Variants in BAZ2A observed in about 807,000 individuals in gnomAD.
The protein encoded by BAZ2A is bromodomain adjacent to zinc finger domain 2A, also known as bromodomain adjacent to zinc finger domain protein 2A.
BAZ2A carries 34 observed loss-of-function variants against 199.9 expected under a neutral mutation model. The observed-to-expected ratio is 0.17, with a 90% CI of 0.13 to 0.23. The LOEUF is 0.23. Among genes scored for constraint, BAZ2A ranks in the 10% least tolerant of loss-of-function variants. The pLI, the probability that BAZ2A is intolerant of heterozygous loss-of-function variation, is 1.00. For synonymous variants in BAZ2A, 857 were observed against 883.9 expected (o/e 0.97, Z 0.54); for missense variants, 2,002 against 2,391.1 (o/e 0.84, Z 3.39).
At chr12:56,635,174 C>G (rs986893735), upstream of BAZ2A, among the ~76,000 whole-genome samples, 4 of 151,962 alleles carry the variant, frequency 2.6e-5, no homozygotes, top group Non-Finnish European at 1.5e-5. The surrounding 1 kb of genome is among the most constrained non-coding windows in gnomAD (Gnocchi z 4.1). Context: ...GGGGCCAGAA[C>G]CAGGAAGGAT....
chr12:56,635,003 C>G (rs1409689294), upstream of BAZ2A: 62 of 984,340 alleles, frequency 6.3e-5, no homozygotes, highest in Non-Finnish European at 7.5e-5. This position sits in a 1 kb window ranked among gnomAD's most constrained non-coding sequence, Gnocchi z 4.1. Context: ...GGTGGCCGAG[C>G]CGGGCGGCGG....
At chr12:56,608,807 G>A (rs1950457379) in intron 10 of BAZ2A, among the ~76,000 whole-genome samples, 1 of 149,058 alleles carries the variant, frequency 6.7e-6, no homozygotes, top group Admixed American at 6.7e-5. Context: ...GACCTCAGGT[G>A]ATCTGCCCTC....
In BAZ2A at chr12:56,604,747, T is replaced by C. The variant is rs1950290503; in HGVS notation, c.2801A>G (p.Asn934Ser). The C allele has an allele frequency of 1.9e-6, 3 of 1,613,864 alleles. No homozygotes were observed. Among genetic ancestry groups the C allele is most frequent in the South Asian group, 1.1e-5 (1 of 91,024 alleles). ...GAAGCAGCGCAGGATCTCTGACACATTGTCTCTTGTCAGTGGGATCTCAGA... is the reference window on the plus strand; with the variant it reads ...GAAGCAGCGCAGGATCTCTGACACACTGTCTCTTGTCAGTGGGATCTCAGA... ...KVSEIPLTRDNVSEILRCFLM... is the reference protein window; with the variant it reads ...KVSEIPLTRDSVSEILRCFLM... Residue 934 changes from asparagine to serine, a missense_variant, in exon 15 of 29, where the codon AAT (asparagine) becomes AGT (serine). By Grantham distance (46) the Asn-to-Ser change is conservative. This residue lies in a region of BAZ2A where 1,081 missense variants were observed against 1,274.7 expected (regional missense o/e 0.85). Transcript: ENST00000549884.
chr12:56,598,925 C>T lies in BAZ2A; in HGVS notation c.5489G>A (p.Arg1830His), dbSNP rs939557759. The change falls in exon 28 of 29, where the codon CGC becomes CAC. Residue 1830 changes from arginine (R) to histidine (H), a missense_variant. Coordinates refer to ENST00000549884, the MANE Select transcript of BAZ2A (RefSeq NM_001300905.2). ...VNPRLVSGYR[R>H]IIKNPMDFST... ...AAAATCCATAGGATTTTTGATGATG[C>T]GCCGGTACCCACTCACCAAACGTGG... 8.7e-6 allele frequency: 14 copies of T among 1,605,660 alleles called. No homozygotes were observed. The highest frequency in any genetic ancestry group is 3.4e-5 in the Admixed American group (2 of 58,622).
At chr12:56,605,804 A>T in intron 13 of BAZ2A, 26 bp downstream of exon 13, 1 of 1,587,988 alleles carries the variant, frequency 6.3e-7, no homozygotes, top group South Asian at 1.2e-5. Flanking sequence ...CAGCTGACCC[A>T]GGAACTGTTA....
In BAZ2A at chr12:56,602,720, C is replaced by T; in HGVS notation, c.3417G>A (p.Gly1139=). 3 of 1,613,004 alleles carry T rather than the reference C, an allele frequency of 1.9e-6. No individual in the cohort carries two copies. In the South Asian group the frequency reaches 3.3e-5, roughly 18 times the overall value. Residue 1139 remains glycine (G), a synonymous_variant, in exon 19 of 29, where the codon GGG becomes GGA. Coordinates refer to ENST00000549884, the MANE Select transcript of BAZ2A (RefSeq NM_001300905.2). ...LAGIFVEGTE[G]NLVPEEVIKK... ...TCCCACAGGCACACCTACCTAAGTT[C>T]CCCTCTGTTCCTTCTACAAAGATAC... is the stretch of plus-strand genomic sequence containing the variant.
In BAZ2A at chr12:56,609,905, C is replaced by T. The variant is rs1331251816; in HGVS notation, c.1923G>A (p.Ser641=). 5.6e-6 allele frequency: 9 copies of T among 1,612,866 alleles called. No homozygotes were observed. The highest frequency in any genetic ancestry group is 1.1e-5 in the South Asian group (1 of 90,944). ...GTTTGCCAGTAATTGCCTGAATCCT[C>T]GACGGGATCTCCTCTGCTGAGAGCT... is the stretch of plus-strand genomic sequence containing the variant. ...WVQLSAEEIP[S]RIQAITGKRG... Residue 641 remains serine (S), a synonymous_variant, in exon 10 of 29, where the codon TCG becomes TCA. Transcript: ENST00000549884.
In BAZ2A at chr12:56,596,830, T is replaced by C. The variant is rs1885878640; in HGVS notation, c.*1788A>G. ...GTTTATCTGACAGAAAAGGCGACTTTAGAAATAGGCTATGAGGGAGAAGGG... is the reference window on the plus strand; with the variant it reads ...GTTTATCTGACAGAAAAGGCGACTTCAGAAATAGGCTATGAGGGAGAAGGG... On this transcript the variant is annotated 3_prime_UTR_variant, in exon 29 of 29. Coordinates refer to ENST00000549884, the MANE Select transcript of BAZ2A (RefSeq NM_001300905.2). 2 of 152,396 alleles carry C rather than the reference T, an allele frequency of 1.3e-5. No individual in the cohort carries two copies. Among genetic ancestry groups the C allele is most frequent in the Admixed American group, 1.3e-4 (2 of 15,278 alleles). 9.4% of individuals were successfully genotyped at this position (152,396 alleles called of 1,614,324 possible).
Position 56,602,129 on chromosome 12 carries a change from T to C in BAZ2A, c.3488A>G (p.Asn1163Ser). 6.3e-7 allele frequency: 1 copy of C among 1,593,874 alleles called. No homozygotes were observed. Among genetic ancestry groups the C allele is most frequent in the Non-Finnish European group, 8.5e-7 (1 of 1,170,022 alleles). Residue 1163 changes from asparagine (N) to serine (S), a missense_variant, in exon 20 of 29, where the codon AAC becomes AGC. Physicochemically the swap from Asn to Ser is conservative, Grantham distance 46 (BLOSUM62 1). Coordinates refer to ENST00000549884, the MANE Select transcript of BAZ2A (RefSeq NM_001300905.2). ...SLKVAAHASL[N>S]PALFSMKMEL... ...CATCTTCATAGAGAAGAGGGCAGGG[T>C]TGAGTGACGCATGGGCTGCCACTTT...
upstream of BAZ2A, chr12:56,636,438 C>A: frequency 1.6e-6 from 2 of 1,279,590 alleles, no homozygotes; most frequent in South Asian, 1.8e-5. Context: ...AGGGAGGAGG[C>A]GAGGACAGGG....
Position 56,605,929 on chromosome 12 carries a change from G to A in BAZ2A, c.2394C>T (p.Thr798=), listed in dbSNP as rs1391717642. The change falls in exon 13 of 29, where the codon ACC becomes ACT. Residue 798 remains threonine, a synonymous_variant. Coordinates refer to ENST00000549884, the MANE Select transcript of BAZ2A (RefSeq NM_001300905.2). The part of the protein sequence containing the change: ...KAKPACKADK[T]LATQRRLEER... ...CCTCCAAGCGCCTCTGTGTGGCCAG[G>A]GTCTTATCTGCTTTACAGGCTGGCT... 9 of 1,568,118 alleles carry A rather than the reference G, an allele frequency of 5.7e-6. No homozygotes were observed. In the Admixed American group the frequency reaches 1.3e-4, roughly 23 times the overall value.
At chr12:56,628,357 T>C (rs1372933261) in intron 1 of BAZ2A, among the ~76,000 whole-genome samples, 1 of 151,304 alleles carries the variant, frequency 6.6e-6, no homozygotes, top group Non-Finnish European at 1.5e-5. Context: ...CCTGGGATTA[T>C]CAAGTGAAAA....
rs201216445 is a variant in BAZ2A at position 56,599,832 on chromosome 12, C to T, written c.5042G>A (p.Arg1681Gln). 28 of 1,614,004 alleles carry T rather than the reference C, an allele frequency of 1.7e-5. No homozygotes were observed. In the African/African-American group the frequency reaches 2.3e-4, roughly 13 times the overall value. The change falls in exon 26 of 29, where the codon CGG becomes CAG. Residue 1681 changes from arginine (R) to glutamine (Q), a missense_variant. Transcript: ENST00000549884. ...SVNKVTCLVCRKGDNDEFLLL... is the reference protein window; with the variant it reads ...SVNKVTCLVCQKGDNDEFLLL... The stretch of plus-strand genomic sequence containing the variant: ...AAGAAACTCATCATTGTCACCCTTC[C>T]GGCAGACTAGACATGTCTGGACCAA...
chr12:56,621,355 T>A, intron 1 of BAZ2A: 3 of 766,492 alleles, frequency 3.9e-6, no homozygotes, highest in Non-Finnish European at 4.8e-6. Flanking sequence ...TTATTTAGTA[T>A]GTGAGATCAG....
intron 5 of BAZ2A, among the ~76,000 whole-genome samples, chr12:56,612,600 C>G (rs60328979): frequency 0.064 from 9,739 of 152,264 alleles, 363 homozygotes; most frequent in East Asian, 0.11. Context: ...CATAGCCCCT[C>G]AGCTCCCAGC....
intron 1 of BAZ2A, among the ~76,000 whole-genome samples, chr12:56,617,856 T>C (rs1950773811): frequency 1.3e-5 from 2 of 152,160 alleles, no homozygotes; most frequent in Non-Finnish European, 2.9e-5. Flanking sequence ...CCTTCTATAT[T>C]AGATATTAGC....
intron 1 of BAZ2A, among the ~76,000 whole-genome samples, chr12:56,627,968 G>C (rs1007975244): frequency 6.6e-6 from 1 of 151,708 alleles, no homozygotes; most frequent in African/African-American, 2.4e-5. Flanking sequence ...GATCACCTGA[G>C]GTCAGGAATT....
chr12:56,614,329 G>C (rs1592595457), intron 3 of BAZ2A, 191 bp from the exon 4 acceptor site: 1 of 559,008 alleles, frequency 1.8e-6, no homozygotes. Flanking sequence ...CAATCCTACA[G>C]CAGGCAAAGA....
At chr12:56,604,830 T>C (rs751964829) in intron 14 of BAZ2A, 31 bp from the exon 15 acceptor site, 2 of 1,598,326 alleles carry the variant, frequency 1.3e-6, no homozygotes, top group Non-Finnish European at 1.7e-6. Context: ...TGGGGGTGAG[T>C]AGGGAAAGAT....
Sources: gnomAD v4.1 joint callset for allele counts (sites outside exome capture counted in the v4.1 genomes callset) on GRCh38, gnomAD v4.1.1 for gene constraint, gnomAD v4.1.1 regional missense constraint, Gnocchi (gnomAD v3.1) non-coding constraint, MANE v1.5 for transcripts, NCBI Gene and HGNC (gene_info 2026-07-23, HGNC 2026-07-21) for gene names.